ADGRV1: variants seen among roughly 807,000 people sequenced by gnomAD.
ADGRV1 encodes the protein G-protein coupled receptor 98.
ADGRV1 carries 359 observed loss-of-function variants against 596.2 expected under a neutral mutation model. The observed-to-expected ratio is 0.60, with a 90% CI of 0.55 to 0.66. The LOEUF is 0.66. Ranked by LOEUF, ADGRV1 falls within the 30% of genes least tolerant of loss-of-function variation. The pLI is 0.00. For synonymous variants in ADGRV1, 2,681 were observed against 2,679.2 expected (o/e 1.00, Z -0.02); for missense variants, 7,274 against 7,575.6 (o/e 0.96, Z 1.48).
At chr5:91,080,634 A>T (rs1195682403) in intron 86 of ADGRV1, among the ~76,000 whole-genome samples, 1 of 151,526 alleles carries the variant, frequency 6.6e-6, no homozygotes, top group East Asian at 1.9e-4. Flanking sequence ...AGGGTTGGAA[A>T]ATTACTCCTT....
At chr5:90,689,283 A>C (rs1443594827) in intron 29 of ADGRV1, among the ~76,000 whole-genome samples, 1 of 149,838 alleles carries the variant, frequency 6.7e-6, no homozygotes, top group Non-Finnish European at 1.5e-5. Flanking sequence ...GTGTACTAAG[A>C]CATTAGTCCT....
intron 62 of ADGRV1, 24 bp downstream of exon 62, chr5:90,778,067 T>C: frequency 6.5e-7 from 1 of 1,548,478 alleles, no homozygotes; most frequent in Non-Finnish European, 8.7e-7. Flanking sequence ...CTGGTTTCTT[T>C]TATGCCCTTT....
chr5:91,013,871 T>A (rs1351905791), intron 85 of ADGRV1, among the ~76,000 whole-genome samples: 1 of 152,034 alleles, frequency 6.6e-6, no homozygotes, highest in Non-Finnish European at 1.5e-5. Context: ...TCATCTTGAA[T>A]TGATTTTTGT....
Position 91,163,830 on chromosome 5 carries a change from A to G in ADGRV1, c.18851A>G (p.Glu6284Gly), listed in dbSNP as rs1797155799. ...SDNESGQGSQ[E>G]GGTLTDSQIV... is the part of the protein sequence containing the mutation. ...AATGAATCTGGTCAAGGCAGCCAGG[A>G]GGGGGGCACCTTGACTGACTCCCAG... Residue 6284 changes from glutamate (E) to glycine (G), a missense_variant, in exon 90 of 90, where the codon GAG becomes GGG. Glu to Gly is a moderately conservative substitution (Grantham distance 98). Coordinates refer to ENST00000405460, the MANE Select transcript of ADGRV1 (RefSeq NM_032119.4). 6.2e-7 allele frequency: 1 copy of G among 1,606,492 alleles called. No homozygotes were observed. Among genetic ancestry groups the G allele is most frequent in the Non-Finnish European group, 8.5e-7 (1 of 1,174,990 alleles).
At chr5:90,675,890 G>T (rs150811889) in intron 24 of ADGRV1, among the ~76,000 whole-genome samples, 190 bp from the exon 25 acceptor site, 459 of 152,278 alleles carry the variant, frequency 3.0e-3, no homozygotes, top group African/African-American at 0.01. Context: ...TATTTATTTA[G>T]AATTTACATT....
intron 78 of ADGRV1, among the ~76,000 whole-genome samples, chr5:90,843,439 G>A (rs201457235): frequency 6.6e-6 from 1 of 152,176 alleles, no homozygotes. Context: ...AAATAGTGTT[G>A]GATGGCTGAT....
At chr5:91,112,383 T>G (rs1456953964) in intron 87 of ADGRV1, among the ~76,000 whole-genome samples, 2 of 152,212 alleles carry the variant, frequency 1.3e-5, no homozygotes, top group African/African-American at 4.8e-5. Flanking sequence ...ATCACATTTA[T>G]TGCATCTTAA....
chr5:90,616,458 G>A (rs1442700917), intron 2 of ADGRV1, among the ~76,000 whole-genome samples: 1 of 152,130 alleles, frequency 6.6e-6, no homozygotes, highest in Non-Finnish European at 1.5e-5. Flanking sequence ...GAGAATATAA[G>A]TACAACTTTA....
chr5:91,054,430 A>G (rs944693321), intron 85 of ADGRV1, among the ~76,000 whole-genome samples: 6 of 152,118 alleles, frequency 3.9e-5, no homozygotes, highest in Non-Finnish European at 7.4e-5. Flanking sequence ...TGAGGATGCT[A>G]TTTACTGCTG....
intron 86 of ADGRV1, among the ~76,000 whole-genome samples, chr5:91,080,499 A>G (rs922855274): frequency 6.7e-6 from 1 of 148,918 alleles, no homozygotes; most frequent in Non-Finnish European, 1.5e-5. Flanking sequence ...TCTTGGTAAT[A>G]GTGACATGTA....
chr5:90,770,185 C>T (rs1757541776), intron 59 of ADGRV1, among the ~76,000 whole-genome samples: 1 of 152,104 alleles, frequency 6.6e-6, no homozygotes, highest in Non-Finnish European at 1.5e-5. Context: ...GAAGGAGGAG[C>T]AAAGGCATGT....
chr5:90,964,082 A>T (rs1778250351), intron 83 of ADGRV1, among the ~76,000 whole-genome samples: 1 of 152,024 alleles, frequency 6.6e-6, no homozygotes, highest in Admixed American at 6.6e-5. Flanking sequence ...CCCTACCAAT[A>T]CACTTGAGTA....
Position 90,690,021 on chromosome 5 carries a change from T to G in ADGRV1, c.6651T>G (p.Ala2217=). ...NETTGGARLG[A]LTEAVIIIEA... is the part of the protein sequence containing the mutation. ...CAACAGGAGGAGCCAGACTAGGGGC[T>G]TTAACAGAGGCAGTCATTATTATTG... Residue 2217 remains alanine (A), a synonymous_variant, in exon 30 of 90, where the codon GCT becomes GCG. Transcript: ENST00000405460. 1.3e-6 allele frequency: 2 copies of G among 1,598,496 alleles called. No individual in the cohort carries two copies. Among genetic ancestry groups the G allele is most frequent in the South Asian group, 2.3e-5 (2 of 88,590 alleles).
chr5:90,988,872 T>A (rs1353694291), intron 85 of ADGRV1, among the ~76,000 whole-genome samples: 1 of 148,114 alleles, frequency 6.8e-6, no homozygotes, highest in African/African-American at 2.5e-5. Context: ...TTCCCACCTA[T>A]GAGTAAGAAC....
chr5:91,114,751 T>C (rs1031701982), intron 87 of ADGRV1, among the ~76,000 whole-genome samples: 1 of 152,198 alleles, frequency 6.6e-6, no homozygotes, highest in Non-Finnish European at 1.5e-5. Flanking sequence ...ACTCTTGAAT[T>C]CATTACTGAG....
intron 38 of ADGRV1, among the ~76,000 whole-genome samples, chr5:90,706,730 TAAA>T (rs59122560): frequency 3.5e-5 from 5 of 143,994 alleles, no homozygotes. Flanking sequence ...TTTCTATTAG[TAAA>T]AAAAAAAAAA....
intron 83 of ADGRV1, among the ~76,000 whole-genome samples, chr5:90,881,866 A>G (rs1168547258): frequency 6.6e-6 from 1 of 152,104 alleles, no homozygotes; most frequent in Non-Finnish European, 1.5e-5. Flanking sequence ...AGTTGGGACT[A>G]TAGGCTCAAC....
intron 87 of ADGRV1, among the ~76,000 whole-genome samples, chr5:91,129,781 G>A (rs1323181654): frequency 2.6e-5 from 4 of 151,986 alleles, no homozygotes; most frequent in African/African-American, 9.7e-5. Context: ...TCCAGTCTAC[G>A]GCACACCTTG....
At chr5:90,746,241 G>C (rs1391875652) in intron 52 of ADGRV1, among the ~76,000 whole-genome samples, 1 of 122,808 alleles carries the variant, frequency 8.1e-6, no homozygotes, top group African/African-American at 3.0e-5. Flanking sequence ...GAGGTGGGGT[G>C]GGGGGAGGGT....
Sources: allele counts gnomAD v4.1 joint callset (sites outside exome capture counted in the v4.1 genomes callset), GRCh38; gene constraint gnomAD v4.1.1; transcripts MANE v1.5; gene names NCBI Gene and HGNC (gene_info 2026-07-23, HGNC 2026-07-21).